The following GALNT1 variants were observed in gnomAD, a reference collection of about 807,000 sequenced individuals.
GALNT1 encodes the protein polypeptide N-acetylgalactosaminyltransferase 1.
A neutral mutation model predicts 65.7 loss-of-function variants in GALNT1; 17 were observed. That is an observed-to-expected ratio of 0.26 (90% CI 0.18 to 0.39). The LOEUF is 0.39. Ranked by LOEUF, GALNT1 falls within the 10% of genes least tolerant of loss-of-function variation. The pLI, the probability that GALNT1 is intolerant of heterozygous loss-of-function variation, is 1.00. For missense variants in GALNT1, 460 were observed against 672.8 expected (o/e 0.68, Z 3.50); for synonymous variants, 210 against 219.7 (o/e 0.96, Z 0.39).
intron 1 of GALNT1, among the ~76,000 whole-genome samples, chr18:35,609,200 C>A (rs2046686975): frequency 6.6e-6 from 1 of 152,100 alleles, no homozygotes; most frequent in Admixed American, 6.6e-5. Flanking sequence ...TACTTTTCTT[C>A]TGCCTTTGTC....
intron 1 of GALNT1, among the ~76,000 whole-genome samples, chr18:35,630,006 T>A (rs9748851): frequency 0.014 from 2,081 of 151,940 alleles, 42 homozygotes; most frequent in African/African-American, 0.046. Context: ...AGAAGAGCTA[T>A]CTTAAATATA....
intron 3 of GALNT1, among the ~76,000 whole-genome samples, chr18:35,674,916 G>A (rs1212454956): frequency 6.8e-6 from 1 of 147,736 alleles, no homozygotes; most frequent in Non-Finnish European, 1.5e-5. Context: ...CCGGGAGGTG[G>A]AGCTTGCAGT....
chr18:35,698,716 C>T (rs1317136787), intron 9 of GALNT1, among the ~76,000 whole-genome samples: 2 of 151,986 alleles, frequency 1.3e-5, no homozygotes, highest in Non-Finnish European at 2.9e-5. Flanking sequence ...CGGTGGCTCA[C>T]GCCTGTAATC....
At chr18:35,597,860 A>G (rs1252722561) in intron 1 of GALNT1, among the ~76,000 whole-genome samples, 1 of 152,184 alleles carries the variant, frequency 6.6e-6, no homozygotes, top group Non-Finnish European at 1.5e-5. Flanking sequence ...GAAATTAGGC[A>G]TTAAATGCTG....
In GALNT1 at chr18:35,654,692, C is replaced by G. The variant is rs779330481; in HGVS notation, c.30C>G (p.Val10=). 95 of 1,555,252 alleles carry G rather than the reference C, an allele frequency of 6.1e-5. No homozygotes were observed. The highest frequency in any genetic ancestry group is 8.1e-5 in the Non-Finnish European group (93 of 1,147,318). The change falls in exon 2 of 12, where the codon GTC becomes GTG. Residue 10 remains valine, a synonymous_variant. Coordinates refer to ENST00000269195, the MANE Select transcript of GALNT1 (RefSeq NM_020474.4). MRKFAYCKV[V]LATSLIWVLL... is the part of the protein sequence containing the mutation. Reference sequence around the variant, plus strand: ...GAAAATTTGCATACTGCAAGGTGGTCCTAGCCACCTCCTTGATTTGGGTAC... The same window carrying G: ...GAAAATTTGCATACTGCAAGGTGGTGCTAGCCACCTCCTTGATTTGGGTAC...
intron 1 of GALNT1, among the ~76,000 whole-genome samples, chr18:35,648,500 A>AT (rs2047266853): frequency 6.6e-6 from 1 of 152,224 alleles, no homozygotes. Context: ...AAGCATCTGT[A>AT]ATTAATCACT....
chr18:35,657,692 T>C (rs1338315295), intron 2 of GALNT1, among the ~76,000 whole-genome samples: 1 of 152,128 alleles, frequency 6.6e-6, no homozygotes, highest in Non-Finnish European at 1.5e-5. Context: ...GTGTTTCTGA[T>C]AGTTTGGTAT....
intron 1 of GALNT1, among the ~76,000 whole-genome samples, chr18:35,625,994 C>CAAAGA (rs2046912033): frequency 6.6e-6 from 1 of 152,120 alleles, no homozygotes; most frequent in African/African-American, 2.4e-5. Flanking sequence ...ATTAATTCTT[C>CAAAGA]TGTTTGCTGT....
chr18:35,704,701 G>A lies in GALNT1; in HGVS notation c.1533+1058G>A, dbSNP rs568898656. Among the ~76,000 whole-genome samples, 10 of 151,926 alleles carry A rather than the reference G, an allele frequency of 6.6e-5. No homozygotes were observed. The East Asian group carries it at 1.4e-3, about 21-fold the overall frequency. ...CTCTTATCGCCCAGGCTGGAGTGCA[G>A]TGGTGCAATCTCGGCTCATGCAACC... On this transcript the variant is annotated intron_variant, in intron 11 of 11. Transcript: ENST00000269195.
chr18:35,672,095 A>T (rs950067757), intron 3 of GALNT1, among the ~76,000 whole-genome samples: 3 of 152,328 alleles, frequency 2.0e-5, no homozygotes, highest in Non-Finnish European at 2.9e-5. Flanking sequence ...GTGGTTTAGG[A>T]CAAGTTGTCT....
chr18:35,700,443 C>T (rs529360690), intron 9 of GALNT1, among the ~76,000 whole-genome samples: 4 of 152,304 alleles, frequency 2.6e-5, no homozygotes, highest in African/African-American at 4.8e-5. Flanking sequence ...CCCACCTCAC[C>T]TGGGCCTCAC....
chr18:35,656,700 C>T (rs1357154637), intron 2 of GALNT1, among the ~76,000 whole-genome samples: 4 of 152,172 alleles, frequency 2.6e-5, no homozygotes, highest in Non-Finnish European at 1.5e-5. Context: ...AGCGGCATGG[C>T]GCTGAAGCAC....
chr18:35,634,774 C>G (rs912923896), intron 1 of GALNT1, among the ~76,000 whole-genome samples: 1 of 152,130 alleles, frequency 6.6e-6, no homozygotes, highest in Non-Finnish European at 1.5e-5. Flanking sequence ...CAGTGAATCA[C>G]GCTTATCATT....
At chr18:35,587,640 T>C (rs969032663) in intron 1 of GALNT1, among the ~76,000 whole-genome samples, 3 of 152,238 alleles carry the variant, frequency 2.0e-5, no homozygotes, top group Non-Finnish European at 4.4e-5. Context: ...ATATGGTGCA[T>C]TGTATTGATT....
intron 3 of GALNT1, among the ~76,000 whole-genome samples, chr18:35,670,095 G>A (rs866829154): frequency 1.3e-5 from 2 of 152,068 alleles, no homozygotes; most frequent in African/African-American, 4.8e-5. Flanking sequence ...TTCAAGACCA[G>A]CCTGAGCAAC....
chr18:35,696,349 T>C (rs543880219), intron 9 of GALNT1, among the ~76,000 whole-genome samples: 37 of 152,194 alleles, frequency 2.4e-4, no homozygotes, highest in Non-Finnish European at 5.1e-4. Flanking sequence ...CCTGAAATCA[T>C]AGGATTTTTC....
intron 5 of GALNT1, 49 bp from the exon 6 acceptor site, chr18:35,686,967 T>G: frequency 6.4e-7 from 1 of 1,554,996 alleles, no homozygotes; most frequent in Non-Finnish European, 8.7e-7. Flanking sequence ...TAGTTGGCAT[T>G]AAACAGGAAT....
intron 1 of GALNT1, among the ~76,000 whole-genome samples, chr18:35,643,103 A>C (rs1012992363): frequency 1.3e-5 from 2 of 151,962 alleles, no homozygotes; most frequent in Non-Finnish European, 2.9e-5. Flanking sequence ...CCTTTTGAGG[A>C]GGGGAGGAGA....
At chr18:35,633,225 C>T (rs568610216) in intron 1 of GALNT1, among the ~76,000 whole-genome samples, 1 of 152,242 alleles carries the variant, frequency 6.6e-6, no homozygotes, top group South Asian at 2.1e-4. Context: ...AATCATGCTA[C>T]TATAAAGACA....
Sources: gnomAD v4.1 joint callset for allele counts (sites outside exome capture counted in the v4.1 genomes callset) on GRCh38, gnomAD v4.1.1 for gene constraint, MANE v1.5 for transcripts, NCBI Gene and HGNC (gene_info 2026-07-23, HGNC 2026-07-21) for gene names.